The following ACOXL variants were observed in gnomAD, a reference collection of about 807,000 sequenced individuals.
ACOXL encodes acyl-CoA oxidase like, also known as acyl-coenzyme A oxidase-like protein.
Under a neutral mutation model 71.9 loss-of-function variants are expected in ACOXL, and 70 were observed. That is an observed-to-expected ratio of 0.97 (90% CI 0.80 to 1.19). The LOEUF (loss-of-function observed/expected upper bound fraction) is 1.19. Ranked by LOEUF, ACOXL falls within the 50% of genes most tolerant of loss-of-function variation. The pLI is 0.00. For synonymous variants in ACOXL, 253 were observed against 281.6 expected (o/e 0.90, Z 1.02); for missense variants, 703 against 736.3 (o/e 0.95, Z 0.52).
intron 15 of ACOXL, among the ~76,000 whole-genome samples, chr2:111,040,685 C>T (rs1033458042): frequency 6.6e-6 from 1 of 152,144 alleles, no homozygotes; most frequent in African/African-American, 2.4e-5. Context: ...AGGCAAGCAG[C>T]ATTTGAGACT....
At chr2:110,922,199 TA>T (rs1286849492) in intron 11 of ACOXL, among the ~76,000 whole-genome samples, 2 of 152,226 alleles carry the variant, frequency 1.3e-5, no homozygotes, top group Non-Finnish European at 2.9e-5. Flanking sequence ...TTTCCTCAAG[TA>T]TTTTGAAAGT....
At chr2:110,809,482 C>T (rs376795657) in intron 9 of ACOXL, among the ~76,000 whole-genome samples, 3 of 152,212 alleles carry the variant, frequency 2.0e-5, no homozygotes, top group Admixed American at 6.5e-5. Context: ...AGTTGTACAG[C>T]GTGCCACATA....
At chr2:110,921,658 A>G (rs544644274) in intron 11 of ACOXL, among the ~76,000 whole-genome samples, 15 of 151,792 alleles carry the variant, frequency 9.9e-5, no homozygotes, top group South Asian at 2.1e-4. Context: ...CTCCCAAAGT[A>G]CTAGGATTAC....
At chr2:110,811,009 A>G (rs2105413471) in intron 9 of ACOXL, among the ~76,000 whole-genome samples, 1 of 152,318 alleles carries the variant, frequency 6.6e-6, no homozygotes, top group South Asian at 2.1e-4. Context: ...CACTATCACA[A>G]GAACAAGATG....
At chr2:110,862,619 G>A (rs563917209) in intron 10 of ACOXL, among the ~76,000 whole-genome samples, 10 of 152,318 alleles carry the variant, frequency 6.6e-5, no homozygotes, top group Admixed American at 4.6e-4. Context: ...GCATGTGTTG[G>A]GCGGAAGCCC....
intron 11 of ACOXL, among the ~76,000 whole-genome samples, chr2:110,929,863 C>T (rs1387994275): frequency 6.6e-6 from 1 of 152,216 alleles, no homozygotes; most frequent in African/African-American, 2.4e-5. Context: ...TGCAGGTTCA[C>T]AGAAGTCAAG....
At chr2:111,051,222 T>C (rs1175215831) in intron 16 of ACOXL, among the ~76,000 whole-genome samples, 16 of 151,982 alleles carry the variant, frequency 1.1e-4, no homozygotes, top group Admixed American at 9.2e-4. Context: ...GAGATTGAGG[T>C]TTTCTAATGT....
chr2:110,779,881 A>G (rs1481692699), intron 2 of ACOXL, among the ~76,000 whole-genome samples: 1 of 152,274 alleles, frequency 6.6e-6, no homozygotes, highest in Non-Finnish European at 1.5e-5. Flanking sequence ...AGAATGTCCT[A>G]TTAGGATAGG....
intron 1 of ACOXL, among the ~76,000 whole-genome samples, chr2:110,763,006 G>T (rs1680600225): frequency 6.6e-6 from 1 of 151,934 alleles, no homozygotes; most frequent in African/African-American, 2.4e-5. Flanking sequence ...ACATCAGATG[G>T]TTTTATAATT....
intron 1 of ACOXL, among the ~76,000 whole-genome samples, chr2:110,735,706 C>CCG (rs555419814): frequency 1.9e-3 from 293 of 152,138 alleles, no homozygotes; most frequent in African/African-American, 6.7e-3. Context: ...GCTGCTGTGC[C>CCG]CGCCCCTGTC....
chr2:110,768,141 T>TA (rs1681361154), intron 1 of ACOXL, among the ~76,000 whole-genome samples: 2 of 151,838 alleles, frequency 1.3e-5, no homozygotes, highest in African/African-American at 4.8e-5. Flanking sequence ...CAAATAATAA[T>TA]ATTAATAAGA....
At chr2:111,093,540 C>T in intron 17 of ACOXL, 1 of 1,613,582 alleles carries the variant, frequency 6.2e-7, no homozygotes, top group Non-Finnish European at 8.5e-7. Flanking sequence ...ATGAAGGGAG[C>T]TCATATCCAA....
intron 1 of ACOXL, among the ~76,000 whole-genome samples, chr2:110,763,957 T>C (rs536193691): frequency 7.2e-5 from 11 of 152,322 alleles, no homozygotes; most frequent in Admixed American, 3.3e-4. Flanking sequence ...CAACATCATA[T>C]GTCATTAGGG....
intron 1 of ACOXL, among the ~76,000 whole-genome samples, chr2:110,767,217 G>A (rs1033700967): frequency 6.6e-6 from 1 of 152,196 alleles, no homozygotes; most frequent in African/African-American, 2.4e-5. Context: ...ATTCTAGGTG[G>A]CCAAAGAGGA....
chr2:110,812,949 C>T (rs536404157), intron 9 of ACOXL, among the ~76,000 whole-genome samples: 14 of 152,188 alleles, frequency 9.2e-5, no homozygotes, highest in South Asian at 2.1e-4. Context: ...CATGTGGCAG[C>T]GGGTACTGAG....
intron 16 of ACOXL, among the ~76,000 whole-genome samples, chr2:111,051,011 C>A (rs571546597): frequency 6.6e-6 from 1 of 152,126 alleles, no homozygotes; most frequent in Non-Finnish European, 1.5e-5. Flanking sequence ...ATTTGCGTGA[C>A]CTCCAGTGGC....
chr2:110,787,883 G>A (rs1684182265), intron 3 of ACOXL, among the ~76,000 whole-genome samples: 1 of 152,154 alleles, frequency 6.6e-6, no homozygotes, highest in Non-Finnish European at 1.5e-5. Flanking sequence ...GCTGTCACCT[G>A]TCTTTGCTTC....
At chr2:110,865,241 C>T (rs191186354) in intron 10 of ACOXL, among the ~76,000 whole-genome samples, 5 of 152,304 alleles carry the variant, frequency 3.3e-5, no homozygotes, top group African/African-American at 9.6e-5. Flanking sequence ...AAGAGATGGA[C>T]CCCTTTGCCT....
At chr2:110,944,505 C>T (rs757743308) in intron 12 of ACOXL, among the ~76,000 whole-genome samples, 8 of 152,136 alleles carry the variant, frequency 5.3e-5, no homozygotes, top group Non-Finnish European at 1.0e-4. Context: ...CACCTCCTCC[C>T]ATCCTCAAGT....
Sources: gnomAD v4.1 joint callset for allele counts (sites outside exome capture counted in the v4.1 genomes callset) on GRCh38, gnomAD v4.1.1 for gene constraint, MANE v1.5 for transcripts, NCBI Gene and HGNC (gene_info 2026-07-23, HGNC 2026-07-21) for gene names.